Variants in RAPGEF2 observed in about 807,000 individuals in gnomAD.
The protein encoded by RAPGEF2 is PDZ domain containing guanine nucleotide exchange factor (GEF) 1.
Under a neutral mutation model 186.7 loss-of-function variants are expected in RAPGEF2, and 54 were observed. That is an observed-to-expected ratio of 0.29 (90% CI 0.23 to 0.36). The LOEUF (loss-of-function observed/expected upper bound fraction) is 0.36, where lower values mean the gene tolerates loss of function less well. RAPGEF2 is among the 10% of genes least tolerant of loss of function. The pLI is 1.00. For missense variants in RAPGEF2, 1,532 were observed against 2,045.0 expected, an observed-to-expected ratio of 0.75 and a Z score of 4.84; for synonymous variants, 712 against 705.9, an observed-to-expected ratio of 1.01 and a Z score of -0.14.
intron 4 of RAPGEF2, among the ~76,000 whole-genome samples, chr4:159,233,496 A>C (rs769986912): frequency 2.0e-5 from 3 of 152,200 alleles, no homozygotes; most frequent in Non-Finnish European, 4.4e-5. Context: ...ACTGGAGACT[A>C]TTATTTTAAG....
chr4:159,185,052 T>C (rs1747418429), intron 1 of RAPGEF2, among the ~76,000 whole-genome samples: 1 of 152,142 alleles, frequency 6.6e-6, no homozygotes, highest in Non-Finnish European at 1.5e-5. Flanking sequence ...AGAAGTTATA[T>C]AAGTGGACAA....
intron 7 of RAPGEF2, among the ~76,000 whole-genome samples, chr4:159,302,490 C>T (rs1030993554): frequency 2.6e-5 from 4 of 152,258 alleles, no homozygotes; most frequent in Admixed American, 1.3e-4. Flanking sequence ...CCCCAGTTGC[C>T]TTCTGCAGTG....
rs539224108 is a variant in RAPGEF2, at chr4:159,238,026, A to G, written c.282-783A>G. On this transcript the variant is annotated intron_variant, in intron 4 of 29. Coordinates refer to ENST00000691494, the MANE Select transcript of RAPGEF2 (RefSeq NM_001394067.2). ...GAGTGAGACCTTGTCTCTTAAAAAAAAAAAAATTAACTGGAAGGAAAGATT... is the reference window on the plus strand; with the variant it reads ...GAGTGAGACCTTGTCTCTTAAAAAAGAAAAAATTAACTGGAAGGAAAGATT... Among the ~76,000 whole-genome samples, 9 of 152,024 alleles carry G rather than the reference A, an allele frequency of 5.9e-5. No individual in the cohort carries two copies. In the East Asian group the frequency reaches 1.7e-3, roughly 29 times the overall value.
At chr4:159,182,459 A>AAT (rs1228311899) in intron 1 of RAPGEF2, among the ~76,000 whole-genome samples, 1 of 140,016 alleles carries the variant, frequency 7.1e-6, no homozygotes, top group Non-Finnish European at 1.5e-5. Flanking sequence ...GCAGTGGTAC[A>AAT]ATCTCGGCTC....
At chr4:159,256,851 G>A (rs1756227400) in intron 7 of RAPGEF2, among the ~76,000 whole-genome samples, 2 of 152,082 alleles carry the variant, frequency 1.3e-5, no homozygotes, top group Non-Finnish European at 2.9e-5. Context: ...TTTGAGAAGT[G>A]TCTGTTCATG....
intron 1 of RAPGEF2, among the ~76,000 whole-genome samples, chr4:159,151,297 T>C (rs1045954652): frequency 2.0e-5 from 3 of 152,206 alleles, no homozygotes; most frequent in Non-Finnish European, 4.4e-5. Flanking sequence ...TAAACGCTTA[T>C]CTCAGGAGTC....
intron 7 of RAPGEF2, among the ~76,000 whole-genome samples, chr4:159,260,402 T>C (rs1467198936): frequency 4.6e-5 from 7 of 152,150 alleles, no homozygotes; most frequent in African/African-American, 1.7e-4. Flanking sequence ...CCAAACAGTT[T>C]TGTTTCCGTT....
chr4:159,281,915 G>T (rs558448800), intron 7 of RAPGEF2, among the ~76,000 whole-genome samples: 3 of 152,234 alleles, frequency 2.0e-5, no homozygotes, highest in African/African-American at 7.2e-5. Flanking sequence ...TTATGTGAAT[G>T]CCAGTTATTG....
At chr4:159,217,600 T>A (rs1751109271) in intron 4 of RAPGEF2, among the ~76,000 whole-genome samples, 1 of 152,224 alleles carries the variant, frequency 6.6e-6, no homozygotes. Flanking sequence ...CTATGGTGAA[T>A]AGTGCTGAGA....
intron 3 of RAPGEF2, among the ~76,000 whole-genome samples, chr4:159,204,879 G>A (rs567860157): frequency 1.3e-5 from 2 of 152,228 alleles, no homozygotes; most frequent in East Asian, 3.9e-4. Flanking sequence ...AACCTCTTTA[G>A]TCTTCAGATT....
Position 159,307,741 on chromosome 4 carries a change from G to A in RAPGEF2, c.675+3268G>A, listed in dbSNP as rs376864144. ...AATCCCAGCATTTTGGGGGGCCAAG[G>A]CAGGCAGATCACTTGAGGCCAGGAA... On this transcript the variant is annotated intron_variant, in intron 8 of 29. Coordinates refer to ENST00000691494, the MANE Select transcript of RAPGEF2 (RefSeq NM_001394067.2). Among the ~76,000 whole-genome samples the A allele has an allele frequency of 3.0e-3, 461 of 152,296 alleles. 3 individuals carry two copies. Among genetic ancestry groups the A allele is most frequent in the African/African-American group, 0.01 (416 of 41,568 alleles).
intron 3 of RAPGEF2, among the ~76,000 whole-genome samples, chr4:159,202,651 G>A (rs1749564646): frequency 6.6e-6 from 1 of 152,094 alleles, no homozygotes; most frequent in Admixed American, 6.5e-5. Flanking sequence ...GCCCAGGCTG[G>A]AGTGCAGTGG....
intron 1 of RAPGEF2, among the ~76,000 whole-genome samples, chr4:159,110,546 C>A (rs1738386549): frequency 6.6e-6 from 1 of 152,112 alleles, no homozygotes; most frequent in Non-Finnish European, 1.5e-5. Context: ...CCATTGCACT[C>A]CAGCCTGGGT....
chr4:159,164,057 T>G (rs886283522), intron 1 of RAPGEF2, among the ~76,000 whole-genome samples: 11 of 151,368 alleles, frequency 7.3e-5, no homozygotes, highest in Non-Finnish European at 1.5e-4. Context: ...CAGGCTGGAG[T>G]GCAGTGGCGC....
intron 1 of RAPGEF2, among the ~76,000 whole-genome samples, chr4:159,104,684 C>G (rs1380779725): frequency 6.6e-6 from 1 of 152,152 alleles, no homozygotes; most frequent in African/African-American, 2.4e-5. Flanking sequence ...CTCTTGCTCC[C>G]TCTGACTCCA....
intron 4 of RAPGEF2, among the ~76,000 whole-genome samples, chr4:159,222,626 T>G (rs1162466082): frequency 6.6e-6 from 1 of 152,240 alleles, no homozygotes; most frequent in Non-Finnish European, 1.5e-5. Context: ...ATAACTCTTG[T>G]CTGTGCCCCG....
At chr4:159,295,830 A>G (rs1761950027) in intron 7 of RAPGEF2, among the ~76,000 whole-genome samples, 1 of 151,844 alleles carries the variant, frequency 6.6e-6, no homozygotes, top group Non-Finnish European at 1.5e-5. Flanking sequence ...ATAAAAGACA[A>G]GGTTTTGTTT....
At chr4:159,233,878 C>T (rs2111447158) in intron 4 of RAPGEF2, among the ~76,000 whole-genome samples, 1 of 152,132 alleles carries the variant, frequency 6.6e-6, no homozygotes, top group South Asian at 2.1e-4. Flanking sequence ...CAATTCTATC[C>T]TTTTGGCCTG....
chr4:159,141,430 G>T (rs1474772631), intron 1 of RAPGEF2, among the ~76,000 whole-genome samples: 1 of 152,180 alleles, frequency 6.6e-6, no homozygotes, highest in Admixed American at 6.5e-5. Context: ...CCCGAAGGAT[G>T]AACATTTAGC....
Sources: allele counts gnomAD v4.1 joint callset (sites outside exome capture counted in the v4.1 genomes callset), GRCh38; gene constraint gnomAD v4.1.1; transcripts MANE v1.5; gene names NCBI Gene and HGNC (gene_info 2026-07-23, HGNC 2026-07-21).